PLXNA4: variants seen among roughly 807,000 people sequenced by gnomAD.
The protein encoded by PLXNA4 is plexin A4, also known as plexin-A4.
PLXNA4 carries 44 observed loss-of-function variants against 191.8 expected under a neutral mutation model. The observed-to-expected ratio is 0.23, with a 90% CI of 0.18 to 0.29. The LOEUF (loss-of-function observed/expected upper bound fraction) is 0.29, where lower values mean the gene tolerates loss of function less well. Ranked by LOEUF, PLXNA4 falls within the 10% of genes least tolerant of loss-of-function variation. The probability of loss-of-function intolerance (pLI) is 1.00; values close to 1 mark genes in which losing one functional copy is unlikely to be tolerated. For synonymous variants in PLXNA4, 1,082 were observed against 1,009.5 expected (o/e 1.07, Z -1.36); for missense variants, 1,800 against 2,488.8 (o/e 0.72, Z 5.89).
chr7:132,546,519 G>C (rs1290547802), intron 1 of PLXNA4, among the ~76,000 whole-genome samples: 1 of 152,108 alleles, frequency 6.6e-6, no homozygotes, highest in Admixed American at 6.5e-5. Flanking sequence ...AAAAACAGTG[G>C]GCACTGTTAA....
intron 2 of PLXNA4, among the ~76,000 whole-genome samples, chr7:132,645,031 A>G (rs1803839800): frequency 6.6e-6 from 1 of 152,286 alleles, no homozygotes; most frequent in South Asian, 2.1e-4. Context: ...GTCAGGAAGC[A>G]CTGGGATGCC....
intron 16 of PLXNA4, among the ~76,000 whole-genome samples, chr7:132,183,886 T>C (rs1005132908): frequency 6.6e-6 from 1 of 152,196 alleles, no homozygotes; most frequent in African/African-American, 2.4e-5. Context: ...ATAGTAAATA[T>C]TGTAGGCTTT....
intron 2 of PLXNA4, among the ~76,000 whole-genome samples, chr7:132,602,892 C>T (rs1042153797): frequency 1.3e-5 from 2 of 151,678 alleles, no homozygotes; most frequent in Non-Finnish European, 2.9e-5. Flanking sequence ...CTAATGCCAT[C>T]GGGAAGTGTT....
At chr7:132,568,764 G>A (rs144010033) in intron 1 of PLXNA4, among the ~76,000 whole-genome samples, 2 of 152,312 alleles carry the variant, frequency 1.3e-5, no homozygotes, top group East Asian at 1.9e-4. Flanking sequence ...ATGCCCTACC[G>A]CAGACCCACG....
At chr7:132,548,332 G>T (rs181996921) in intron 1 of PLXNA4, among the ~76,000 whole-genome samples, 1 of 152,288 alleles carries the variant, frequency 6.6e-6, no homozygotes, top group East Asian at 1.9e-4. Flanking sequence ...AGCAGATGAG[G>T]CTAGGGCAAT....
chr7:132,558,734 T>C (rs1176871785), intron 1 of PLXNA4, among the ~76,000 whole-genome samples: 1 of 152,254 alleles, frequency 6.6e-6, no homozygotes, highest in Non-Finnish European at 1.5e-5. Flanking sequence ...ACATGGCCAG[T>C]ACCCCGCCTC....
chr7:132,264,913 G>C (rs1799792445), intron 4 of PLXNA4, among the ~76,000 whole-genome samples: 2 of 152,062 alleles, frequency 1.3e-5, no homozygotes, highest in Admixed American at 6.6e-5. Context: ...GGCCAGGCTG[G>C]TCTCAGATTC....
intron 1 of PLXNA4, among the ~76,000 whole-genome samples, chr7:132,537,503 T>C (rs1211484190): frequency 6.6e-6 from 1 of 152,222 alleles, no homozygotes; most frequent in East Asian, 1.9e-4. Flanking sequence ...CAAGTTCCTA[T>C]TTCAAAAAAG....
chr7:132,370,911 G>C (rs144543217), intron 3 of PLXNA4, among the ~76,000 whole-genome samples: 1 of 152,352 alleles, frequency 6.6e-6, no homozygotes, highest in African/African-American at 2.4e-5. Context: ...GAGGATGCAC[G>C]TATGCCTATG....
At chr7:132,556,361 C>G (rs1420904048) in intron 1 of PLXNA4, among the ~76,000 whole-genome samples, 1 of 152,214 alleles carries the variant, frequency 6.6e-6, no homozygotes, top group Admixed American at 6.5e-5. Context: ...AGGCAGACAG[C>G]AGGATCCACA....
rs114505064 is a variant in PLXNA4 at position 132,188,460 on chromosome 7, A to G, written c.2857-853T>C. 8.7e-3 allele frequency among the ~76,000 whole-genome samples: 1,329 copies of G among 152,134 alleles called. 16 individuals are homozygous for G. The highest frequency in any genetic ancestry group is 0.03 in the African/African-American group (1,247 of 41,494). ...TAAAGAATTCAGCACCAAAAGTCGAACCCTCTCAGTTCCTTGGAGCAGGCT... is the reference window on the plus strand; with the variant it reads ...TAAAGAATTCAGCACCAAAAGTCGAGCCCTCTCAGTTCCTTGGAGCAGGCT... On this transcript the variant is annotated intron_variant, in intron 14 of 31. Coordinates refer to ENST00000321063, the MANE Select transcript of PLXNA4 (RefSeq NM_020911.2).
Position 132,391,280 on chromosome 7 carries a change from G to A in PLXNA4, c.1372-93058C>T, listed in dbSNP as rs28708686. On this transcript the variant is annotated intron_variant, in intron 3 of 31. Transcript: ENST00000321063. ...GCATCAGTCTCAGGGCAGGAGAACTGGGGCTAGGGGAATCCACTTCCCTTC... is the reference window on the plus strand; with the variant it reads ...GCATCAGTCTCAGGGCAGGAGAACTAGGGCTAGGGGAATCCACTTCCCTTC... Among the ~76,000 whole-genome samples the A allele has an allele frequency of 6.8e-3, 1,041 of 152,310 alleles. 12 individuals carry two copies. The highest frequency in any genetic ancestry group is 0.024 in the African/African-American group (1,013 of 41,568).
At chr7:132,324,889 T>C (rs1031293185) in intron 3 of PLXNA4, among the ~76,000 whole-genome samples, 1 of 151,760 alleles carries the variant, frequency 6.6e-6, no homozygotes, top group African/African-American at 2.4e-5. Context: ...GGTATCTGAG[T>C]GTTGGGTGAT....
chr7:132,476,972 C>A (rs1344632121), intron 3 of PLXNA4, among the ~76,000 whole-genome samples: 1 of 152,122 alleles, frequency 6.6e-6, no homozygotes, highest in Non-Finnish European at 1.5e-5. Context: ...GGAAAATCAT[C>A]TGAGAGAGGA....
chr7:132,516,236 AT>A (rs1392896235), intron 1 of PLXNA4, among the ~76,000 whole-genome samples: 2 of 150,852 alleles, frequency 1.3e-5, no homozygotes, highest in Non-Finnish European at 3.0e-5. Flanking sequence ...TTATTTATTT[AT>A]TTATTTATTT....
intron 1 of PLXNA4, among the ~76,000 whole-genome samples, chr7:132,513,609 A>C (rs1798820561): frequency 6.6e-6 from 1 of 152,112 alleles, no homozygotes; most frequent in Non-Finnish European, 1.5e-5. Context: ...TTCAAAATTC[A>C]CGTCACAACA....
At chr7:132,422,879 G>A (rs552905803) in intron 3 of PLXNA4, among the ~76,000 whole-genome samples, 3 of 152,320 alleles carry the variant, frequency 2.0e-5, no homozygotes, top group South Asian at 4.1e-4. Context: ...ATGGACAAAC[G>A]TGCTGGCCTA....
chr7:132,216,592 A>T (rs1487711971), intron 9 of PLXNA4, among the ~76,000 whole-genome samples: 1 of 152,208 alleles, frequency 6.6e-6, no homozygotes, highest in East Asian at 1.9e-4. Flanking sequence ...TGGTACAAGC[A>T]TTCAATTCAG....
intron 4 of PLXNA4, among the ~76,000 whole-genome samples, chr7:132,251,485 T>C (rs1003955101): frequency 1.3e-5 from 2 of 152,164 alleles, no homozygotes; most frequent in South Asian, 2.1e-4. Flanking sequence ...CCCAGGCATA[T>C]GCTGAGGCTC....
Sources: allele counts gnomAD v4.1 joint callset (sites outside exome capture counted in the v4.1 genomes callset), GRCh38; gene constraint gnomAD v4.1.1; transcripts MANE v1.5; gene names NCBI Gene and HGNC (gene_info 2026-07-23, HGNC 2026-07-21).